NDEL1: variants seen among roughly 807,000 people sequenced by gnomAD.
The protein encoded by NDEL1 is nudE neurodevelopment protein 1 like 1.
Under a neutral mutation model 45.7 loss-of-function variants are expected in NDEL1, and 9 were observed. The observed-to-expected ratio is 0.20, with a 90% CI of 0.12 to 0.34. The LOEUF (loss-of-function observed/expected upper bound fraction) is 0.34, where lower values mean the gene tolerates loss of function less well. Ranked by LOEUF, NDEL1 falls within the 10% of genes least tolerant of loss-of-function variation. The pLI is 1.00. For missense variants in NDEL1, 306 were observed against 406.2 expected (o/e 0.75, Z 2.12); for synonymous variants, 133 against 158.6 (o/e 0.84, Z 1.21).
At chr17:8,417,665 G>A (rs1908585253) in intron 1 of NDEL1, among the ~76,000 whole-genome samples, 1 of 152,122 alleles carries the variant, frequency 6.6e-6, no homozygotes, top group South Asian at 2.1e-4. Flanking sequence ...TCTCCTGCCT[G>A]GAGGATACAA....
Position 8,465,371 on chromosome 17 carries a change from G to A in NDEL1, c.945-1559G>A, listed in dbSNP as rs1191146618. ...CAGTGAGGAAAGAGACAATCTGGCT[G>A]TTTGTCGTCGAAGTAGGACAGTGTG... On this transcript the variant is annotated intron_variant, in intron 8 of 8. Transcript: ENST00000334527. This position sits in a 1 kb window ranked among gnomAD's most constrained non-coding sequence, Gnocchi z 4.9. The A allele has an allele frequency of 6.6e-6, 1 of 152,246 alleles. No homozygotes were observed. The highest frequency in any genetic ancestry group is 1.5e-5 in the Non-Finnish European group (1 of 68,046). The allele number at this position is 152,246 out of a possible 1,614,324, so 9.4% of individuals were successfully genotyped here.
rs767089992 is a variant in NDEL1 at position 8,467,031 on chromosome 17, G to A, written c.*8G>A. On this transcript the variant is annotated 3_prime_UTR_variant, in exon 9 of 9. Coordinates refer to ENST00000334527, the MANE Select transcript of NDEL1 (RefSeq NM_030808.5). The surrounding 1 kb of genome is among the most constrained non-coding windows in gnomAD (Gnocchi z 6.3). ...CTGCCTCTCAGTGTGTGAGTGCCTA[G>A]CCTCCAGGTGGGGGCTCCTGCCCTC... 1.2e-6 allele frequency: 2 copies of A among 1,613,710 alleles called. No homozygotes were observed. Among genetic ancestry groups the A allele is most frequent in the Non-Finnish European group, 1.7e-6 (2 of 1,179,902 alleles).
At chr17:8,473,717 GAAT>G (rs910782216) in intron 3 of NDEL1, among the ~76,000 whole-genome samples, 1 of 152,178 alleles carries the variant, frequency 6.6e-6, no homozygotes, top group Middle Eastern at 3.2e-3. Flanking sequence ...TCTAACCGGA[GAAT>G]ATTATGGAAC....
chr17:8,413,732 C>G (rs1908479252), intron 1 of NDEL1, among the ~76,000 whole-genome samples: 1 of 152,182 alleles, frequency 6.6e-6, no homozygotes, highest in East Asian at 1.9e-4. Flanking sequence ...ATTTGCTTCC[C>G]TCTGAACGTG....
At chr17:8,459,218 G>A (rs1263412550) in intron 7 of NDEL1, among the ~76,000 whole-genome samples, 4 of 151,990 alleles carry the variant, frequency 2.6e-5, no homozygotes, top group African/African-American at 9.7e-5. Context: ...TTTTCTTTTC[G>A]GAGAAGGAGG....
intron 1 of NDEL1, among the ~76,000 whole-genome samples, chr17:8,421,424 CA>C (rs1383135920): frequency 1.3e-5 from 2 of 152,128 alleles, no homozygotes; most frequent in Admixed American, 1.3e-4. Flanking sequence ...GGAGGCTTAT[CA>C]AAGTCAGAGA....
rs1348331211 is a variant in NDEL1, at chr17:8,458,867, CA to C, written c.793-1141del. On this transcript the variant is annotated intron_variant, in intron 7 of 8. Coordinates refer to ENST00000334527, the MANE Select transcript of NDEL1 (RefSeq NM_030808.5). ...TTAGCCTCCTGCGTAGCTGGGATTA[CA>C]GGTGCATGCCACCACACCCAGCTAA... Among the ~76,000 whole-genome samples the C allele has an allele frequency of 1.1e-4, 16 of 152,236 alleles. No individual in the cohort carries two copies. In the East Asian group the frequency reaches 2.9e-3, roughly 28 times the overall value.
intron 1 of NDEL1, among the ~76,000 whole-genome samples, chr17:8,418,796 T>C (rs773744575): frequency 6.6e-6 from 1 of 150,654 alleles, no homozygotes; most frequent in Non-Finnish European, 1.5e-5. Context: ...TTCTTTCTTT[T>C]CTTTTCCTTT....
intron 1 of NDEL1, 83 bp from the exon 2 acceptor site, chr17:8,444,177 G>T (rs1909934755): frequency 5.9e-6 from 5 of 848,734 alleles, no homozygotes; most frequent in Non-Finnish European, 9.9e-6. Flanking sequence ...AAATGCTGCA[G>T]TTCAGTGTTG....
At chr17:8,444,768 A>G (rs1232262701) in intron 2 of NDEL1, 1 of 152,874 alleles carries the variant, frequency 6.5e-6, no homozygotes, top group Non-Finnish European at 1.5e-5. Context: ...GTCTGGAGCC[A>G]GCAAAGCTTT....
At chr17:8,436,205 CA>C (rs1490143465) in intron 1 of NDEL1, 160 bp downstream of exon 1, 3 of 237,152 alleles carry the variant, frequency 1.3e-5, no homozygotes, top group South Asian at 3.9e-5. Flanking sequence ...GCAACTGTTC[CA>C]ACCGCTCTAA....
chr17:8,441,718 T>C (rs187735696), intron 1 of NDEL1, among the ~76,000 whole-genome samples: 1 of 152,326 alleles, frequency 6.6e-6, no homozygotes, highest in East Asian at 1.9e-4. Flanking sequence ...GATTCCTTAT[T>C]TTTCTTGGTG....
intron 1 of NDEL1, chr17:8,436,553 C>T (rs1909355877): frequency 6.6e-6 from 1 of 152,358 alleles, no homozygotes; most frequent in Non-Finnish European, 1.5e-5. Context: ...CTCGGATTGG[C>T]ATTCTCCTGA....
intron 1 of NDEL1, among the ~76,000 whole-genome samples, chr17:8,426,887 A>C (rs1196611707): frequency 6.6e-6 from 1 of 152,116 alleles, no homozygotes; most frequent in Non-Finnish European, 1.5e-5. Flanking sequence ...CCAGGGCAGG[A>C]CCTTCATAGG....
At position 8,450,861 on chromosome 17, in the gene NDEL1, G is replaced by T. The variant is rs1910451854; in HGVS notation, c.608G>T (p.Cys203Phe). Reference sequence around the variant, plus strand: ...GCTCCTAGCTCTCCAACTCTAGACTGTGAAAAGATGGACTCCGCCGTCCAA... The same window carrying T: ...GCTCCTAGCTCTCCAACTCTAGACTTTGAAAAGATGGACTCCGCCGTCCAA... ...KSAPSSPTLD[C>F]EKMDSAVQAS... is the part of the protein sequence containing the mutation. The change falls in exon 6 of 9, where the codon TGT becomes TTT. Residue 203 changes from cysteine to phenylalanine, a missense_variant. Coordinates refer to ENST00000334527, the MANE Select transcript of NDEL1 (RefSeq NM_030808.5). 1 of 1,613,486 alleles carries T rather than the reference G, an allele frequency of 6.2e-7. No individual in the cohort carries two copies. The highest frequency in any genetic ancestry group is 1.1e-5 in the South Asian group (1 of 90,950).
intron 6 of NDEL1, 116 bp downstream of exon 6, chr17:8,451,069 G>C: frequency 1.1e-6 from 1 of 917,716 alleles, no homozygotes; most frequent in Non-Finnish European, 1.5e-6. Flanking sequence ...AGTTGGTGAA[G>C]TCTAGTGCTA....
chr17:8,415,002 A>G (rs1014356899), intron 1 of NDEL1, among the ~76,000 whole-genome samples: 13 of 151,950 alleles, frequency 8.6e-5, no homozygotes, highest in Admixed American at 6.6e-4. Context: ...TCCCTCTTGG[A>G]TTGGTTTCTC....
intron 1 of NDEL1, among the ~76,000 whole-genome samples, chr17:8,429,644 G>A (rs1264133080): frequency 1.3e-5 from 2 of 152,152 alleles, no homozygotes; most frequent in Admixed American, 1.3e-4. Context: ...TCATCTATTT[G>A]GGGGACCATG....
chr17:8,447,149 G>T (rs1299160514), intron 4 of NDEL1, among the ~76,000 whole-genome samples: 1 of 151,946 alleles, frequency 6.6e-6, no homozygotes. Context: ...TATTGGTTTT[G>T]TTTTGTTTTT....
Sources: gnomAD v4.1 joint callset for allele counts (sites outside exome capture counted in the v4.1 genomes callset) on GRCh38, gnomAD v4.1.1 for gene constraint, Gnocchi (gnomAD v3.1) non-coding constraint, MANE v1.5 for transcripts, NCBI Gene and HGNC (gene_info 2026-07-23, HGNC 2026-07-21) for gene names.